The following SND1 variants were observed in gnomAD, a reference collection of about 807,000 sequenced individuals.
The protein encoded by SND1 is staphylococcal nuclease domain-containing protein 1.
SND1 carries 38 observed loss-of-function variants against 121.7 expected under a neutral mutation model. The observed-to-expected ratio is 0.31, with a 90% CI of 0.24 to 0.41. The LOEUF is 0.41. Ranked by LOEUF, SND1 falls within the 10% of genes least tolerant of loss-of-function variation. The probability of loss-of-function intolerance (pLI) is 1.00; values close to 1 mark genes in which losing one functional copy is unlikely to be tolerated. For missense variants in SND1, 868 were observed against 1,184.6 expected (o/e 0.73, Z 3.92); for synonymous variants, 401 against 447.4 (o/e 0.90, Z 1.31).
At chr7:128,086,675 C>T (rs1319469174) in intron 20 of SND1, 14 of 553,416 alleles carry the variant, frequency 2.5e-5, no homozygotes, top group East Asian at 1.3e-4. Flanking sequence ...AGTTATACTG[C>T]GATTGTTTTC....
In SND1 at chr7:128,047,180, G is replaced by A. The variant is rs138375948; in HGVS notation, c.1780-27322G>A. ...CACAAAAAATGACTTATACCAGTCA[G>A]CATTTTCCTGAGTCACATACGAGAA... On this transcript the variant is annotated intron_variant, in intron 16 of 23. Coordinates refer to ENST00000354725, the MANE Select transcript of SND1 (RefSeq NM_014390.4). Among the ~76,000 whole-genome samples the A allele has an allele frequency of 2.2e-4, 34 of 152,344 alleles. No homozygotes were observed. The East Asian group carries it at 2.9e-3, about 13-fold the overall frequency.
In SND1 at chr7:127,703,155, T is replaced by C. The variant is rs1297361105; in HGVS notation, c.682-10T>C. On this transcript the variant is annotated splice_polypyrimidine_tract_variant and intron_variant, in intron 6 of 23. Transcript: ENST00000354725. Reference sequence around the variant, plus strand: ...GGCTGCATTACTCACCTACCTTGCCTTTGCTTTAGTGCCCAACTTTTCGAC... The same window carrying C: ...GGCTGCATTACTCACCTACCTTGCCCTTGCTTTAGTGCCCAACTTTTCGAC... The C allele has an allele frequency of 6.2e-7, 1 of 1,614,112 alleles. No homozygotes were observed.
chr7:127,983,172 G>A (rs1802305776), intron 15 of SND1, among the ~76,000 whole-genome samples: 1 of 152,184 alleles, frequency 6.6e-6, no homozygotes, highest in Non-Finnish European at 1.5e-5. Flanking sequence ...TTTTTGGTGG[G>A]AAGAAGGGTG....
intron 16 of SND1, among the ~76,000 whole-genome samples, chr7:128,031,238 G>A (rs1013501829): frequency 6.6e-6 from 1 of 150,392 alleles, no homozygotes; most frequent in Non-Finnish European, 1.5e-5. Flanking sequence ...TTTGTCCTTG[G>A]ACCCTGGCAC....
chr7:127,707,473 A>G, intron 8 of SND1, 84 bp from the exon 9 acceptor site: 1 of 1,011,304 alleles, frequency 9.9e-7, no homozygotes, highest in Non-Finnish European at 1.6e-6. Context: ...GTAGAGTAGG[A>G]TGCTGCACCA....
At chr7:127,745,429 G>C (rs574273923) in intron 10 of SND1, among the ~76,000 whole-genome samples, 1 of 152,274 alleles carries the variant, frequency 6.6e-6, no homozygotes, top group African/African-American at 2.4e-5. Context: ...GTGACAACTG[G>C]GAAAAGGATG....
chr7:127,993,186 G>A (rs1802558513), intron 16 of SND1, among the ~76,000 whole-genome samples: 1 of 152,192 alleles, frequency 6.6e-6, no homozygotes, highest in African/African-American at 2.4e-5. Context: ...ATACCCTACT[G>A]TCCTGAACAT....
At chr7:128,008,293 G>T (rs780856553) in intron 16 of SND1, 3 of 152,192 alleles carry the variant, frequency 2.0e-5, no homozygotes, top group Non-Finnish European at 2.9e-5. Context: ...GATTGAGAAC[G>T]TGTGCTAGAG....
intron 15 of SND1, among the ~76,000 whole-genome samples, chr7:127,978,469 G>A (rs979336319): frequency 1.3e-5 from 2 of 152,156 alleles, no homozygotes; most frequent in Non-Finnish European, 1.5e-5. Context: ...TTGAGCTTAT[G>A]GAAAGTATGC....
At chr7:127,962,827 A>G (rs1299004338) in intron 15 of SND1, among the ~76,000 whole-genome samples, 1 of 152,200 alleles carries the variant, frequency 6.6e-6, no homozygotes, top group African/African-American at 2.4e-5. Context: ...CATCCACTGG[A>G]CTTTCAGCTC....
At chr7:128,031,887 G>A (rs1360684193) in intron 16 of SND1, 5 of 150,930 alleles carry the variant, frequency 3.3e-5, no homozygotes, top group African/African-American at 1.2e-4. Context: ...CGCGCCGCCA[G>A]CGGACTGCTG....
intron 10 of SND1, among the ~76,000 whole-genome samples, chr7:127,803,260 G>C (rs1434377000): frequency 1.3e-5 from 2 of 152,046 alleles, no homozygotes; most frequent in African/African-American, 2.4e-5. Context: ...CAATCTCAGT[G>C]CGGCCTGCCC....
rs1795817574 is a variant in SND1, at chr7:127,686,639, C to T, written c.105C>T (p.Val35=). 2 of 1,614,080 alleles carry T rather than the reference C, an allele frequency of 1.2e-6. No individual in the cohort carries two copies. Among genetic ancestry groups the T allele is most frequent in the Non-Finnish European group, 1.7e-6 (2 of 1,179,970 alleles). The change falls in exon 2 of 24, where the codon GTC becomes GTT. Residue 35 remains valine (V), a synonymous_variant. Coordinates refer to ENST00000354725, the MANE Select transcript of SND1 (RefSeq NM_014390.4). The part of the protein sequence containing the change: ...KMVLSGCAII[V]RGQPRGGPPP... Reference sequence around the variant, plus strand: ...TCCTCTCAGGGTGCGCCATCATTGTCCGAGGTCAGCCTCGTGGTGGGCCTC... The same window carrying T: ...TCCTCTCAGGGTGCGCCATCATTGTTCGAGGTCAGCCTCGTGGTGGGCCTC...
At chr7:128,091,143 T>G (rs1484333097) in intron 22 of SND1, among the ~76,000 whole-genome samples, 3 of 152,160 alleles carry the variant, frequency 2.0e-5, no homozygotes, top group Non-Finnish European at 4.4e-5. Flanking sequence ...AATAGGATAT[T>G]AGAAGATGAT....
intron 11 of SND1, among the ~76,000 whole-genome samples, chr7:127,826,317 G>T (rs1001741057): frequency 6.6e-6 from 1 of 151,926 alleles, no homozygotes; most frequent in African/African-American, 2.4e-5. Flanking sequence ...TTTAACTGGT[G>T]TATGTTCATC....
At chr7:127,911,458 C>T (rs1403761230) in intron 14 of SND1, among the ~76,000 whole-genome samples, 3 of 152,136 alleles carry the variant, frequency 2.0e-5, no homozygotes, top group Non-Finnish European at 2.9e-5. Context: ...GATCCTCCCA[C>T]CTCAGCCTTC....
intron 15 of SND1, among the ~76,000 whole-genome samples, chr7:127,941,899 T>TG (rs1307942596): frequency 1.4e-5 from 2 of 145,248 alleles, no homozygotes; most frequent in African/African-American, 5.2e-5. Context: ...GTTTTTTTTT[T>TG]TTTTTTTTTT....
intron 11 of SND1, among the ~76,000 whole-genome samples, chr7:127,834,387 T>C (rs2116629541): frequency 6.6e-6 from 1 of 152,338 alleles, no homozygotes; most frequent in African/African-American, 2.4e-5. Flanking sequence ...TTTGTGAATG[T>C]GTGTAATTGT....
chr7:127,945,464 C>T lies in SND1; in HGVS notation c.1669+16135C>T, dbSNP rs545278549. Among the ~76,000 whole-genome samples the T allele has an allele frequency of 3.9e-4, 60 of 151,902 alleles. No individual in the cohort carries two copies. The Middle Eastern group carries it at 0.01, about 26-fold the overall frequency. ...CGAGATCGCACCACTGCACTCCAGCCTGGGTGACAGAGCGAGACTCCATCT... is the reference window on the plus strand; with the variant it reads ...CGAGATCGCACCACTGCACTCCAGCTTGGGTGACAGAGCGAGACTCCATCT... On this transcript the variant is annotated intron_variant, in intron 15 of 23. Coordinates refer to ENST00000354725, the MANE Select transcript of SND1 (RefSeq NM_014390.4).
Sources: allele counts gnomAD v4.1 joint callset (sites outside exome capture counted in the v4.1 genomes callset), GRCh38; gene constraint gnomAD v4.1.1; transcripts MANE v1.5; gene names NCBI Gene and HGNC (gene_info 2026-07-23, HGNC 2026-07-21).